WTIP: variants seen among roughly 807,000 people sequenced by gnomAD.
WTIP encodes WT1 interacting protein, also known as Wilms tumor protein 1-interacting protein.
In WTIP, 23 loss-of-function variants were observed where a neutral mutation model predicts 41.7. That is an observed-to-expected ratio of 0.55 (90% CI 0.40 to 0.78). The LOEUF is 0.78. Ranked by LOEUF, WTIP falls within the 30% of genes least tolerant of loss-of-function variation. The probability of loss-of-function intolerance (pLI) is 0.00; values close to 1 mark genes in which losing one functional copy is unlikely to be tolerated. For synonymous variants in WTIP, 314 were observed against 269.9 expected (o/e 1.16, Z -1.60); for missense variants, 619 against 610.5 (o/e 1.01, Z -0.15).
At chr19:34,489,766 G>T (rs183066882) in intron 1 of WTIP, among the ~76,000 whole-genome samples, 38 of 152,262 alleles carry the variant, frequency 2.5e-4, no homozygotes, top group Admixed American at 1.1e-3. Context: ...GCAATACCCT[G>T]TCTCTACAAA....
At position 34,490,469 on chromosome 19, in the gene WTIP, A is replaced by G; in HGVS notation, c.761A>G (p.Asp254Gly). ...TATCACACTGACTGCTTCACCTGCG[A>G]CTCGTGTGGTAGGTAACCTCGTGCC... ...SLYHTDCFTC[D>G]SCGRRLRGKA... Residue 254 changes from aspartate to glycine, a missense_variant, in exon 2 of 8, where the codon GAC becomes GGC. Physicochemically the swap from Asp to Gly is moderately conservative, Grantham distance 94 (BLOSUM62 -1). Transcript: ENST00000590071. 6.2e-7 allele frequency: 1 copy of G among 1,613,172 alleles called. No homozygotes were observed. The highest frequency in any genetic ancestry group is 8.5e-7 in the Non-Finnish European group (1 of 1,179,658).
At position 34,500,149 on chromosome 19, in the gene WTIP, C is replaced by T. The variant is rs2075876842; in HGVS notation, c.1173C>T (p.Ser391=). Residue 391 remains serine (S), a synonymous_variant, in exon 8 of 8, where the codon AGC becomes AGT. Transcript: ENST00000590071. ...CCTAGGACTGCGGGCTGCAGCTGAGCGGGGAGGAGGGACGCCGTTGCTATC... is the reference window on the plus strand; with the variant it reads ...CCTAGGACTGCGGGCTGCAGCTGAGTGGGGAGGAGGGACGCCGTTGCTATC... ...YHCEDCGLQL[S]GEEGRRCYPL... is the part of the protein sequence containing the mutation. 1 of 1,600,532 alleles carries T rather than the reference C, an allele frequency of 6.2e-7. No individual in the cohort carries two copies. Among genetic ancestry groups the T allele is most frequent in the East Asian group, 2.2e-5 (1 of 44,858 alleles).
chr19:34,491,215 G>GAAAA (rs2075823597), intron 2 of WTIP, among the ~76,000 whole-genome samples: 1 of 152,264 alleles, frequency 6.6e-6, no homozygotes, highest in South Asian at 2.1e-4. Flanking sequence ...AAAGAAAAAA[G>GAAAA]GAACTATAAT....
intron 2 of WTIP, among the ~76,000 whole-genome samples, chr19:34,491,127 C>T (rs1293989911): frequency 6.6e-6 from 1 of 151,524 alleles, no homozygotes; most frequent in Admixed American, 6.6e-5. Context: ...TGCGCCTGGC[C>T]TACAATTTAT....
chr19:34,484,935 TAA>T (rs34263232), intron 1 of WTIP, among the ~76,000 whole-genome samples: 37 of 115,460 alleles, frequency 3.2e-4, no homozygotes, highest in Admixed American at 8.2e-4. Context: ...GTCTTTTCTT[TAA>T]AAAAAAAAAA....
chr19:34,492,405 A>G (rs1170119078), intron 2 of WTIP, among the ~76,000 whole-genome samples: 1 of 68,010 alleles, frequency 1.5e-5, no homozygotes, highest in Non-Finnish European at 3.0e-5. Context: ...CAGGAGGATC[A>G]CTTGAGCTTG....
intron 1 of WTIP, among the ~76,000 whole-genome samples, chr19:34,483,591 C>T (rs2075782103): frequency 6.6e-6 from 1 of 152,140 alleles, no homozygotes; most frequent in Non-Finnish European, 1.5e-5. Flanking sequence ...TGCCCTCGCC[C>T]GGACTGTGCT....
chr19:34,486,123 G>C (rs75772650), intron 1 of WTIP, among the ~76,000 whole-genome samples: 1 of 24,334 alleles, frequency 4.1e-5, no homozygotes, highest in African/African-American at 5.6e-5. Flanking sequence ...GGGCCACACC[G>C]TTTTCCCTTC....
rs1568404873 is a variant in WTIP at position 34,503,996 on chromosome 19, C to CGTGTGTGTGTGCATGTGT, written c.*3737_*3754dup. ...CTGGAGGGCTGAGTCTGCCTGTGTG[C>CGTGTGTGTGTGCATGTGT]GTGTGTGTGTGCATGTGTGTGTGTG... On this transcript the variant is annotated 3_prime_UTR_variant, in exon 8 of 8. Transcript: ENST00000590071. The CGTGTGTGTGTGCATGTGT allele has an allele frequency of 6.6e-6, 1 of 151,744 alleles. No individual in the cohort carries two copies. Among genetic ancestry groups the CGTGTGTGTGTGCATGTGT allele is most frequent in the Admixed American group, 6.6e-5 (1 of 15,194 alleles). The allele number at this position is 151,744 out of a possible 1,614,324, so 9.4% of individuals were successfully genotyped here.
In WTIP at chr19:34,501,959, C is replaced by CTTT; in HGVS notation, c.*1701_*1703dup. ...GCTGAGCTGCTTTTTCTTTTCTTTT[C>CTTT]TTTTTTTTTTTTTGAGACGGAGTGT... is the stretch of plus-strand genomic sequence containing the variant. On this transcript the variant is annotated 3_prime_UTR_variant, in exon 8 of 8. Transcript: ENST00000590071. 1 of 115,438 alleles carries CTTT rather than the reference C, an allele frequency of 8.7e-6. No individual in the cohort carries two copies. The highest frequency in any genetic ancestry group is 1.9e-5 in the Non-Finnish European group (1 of 51,942). The allele number at this position is 115,438 out of a possible 1,614,324, so 7.2% of individuals were successfully genotyped here.
intron 5 of WTIP, 131 bp from the exon 6 acceptor site, chr19:34,494,455 G>T: frequency 1.2e-6 from 1 of 808,810 alleles, no homozygotes; most frequent in Non-Finnish European, 2.1e-6. Flanking sequence ...TGTCTGCCCC[G>T]AGGTGTGCAC....
At chr19:34,497,164 T>G in intron 7 of WTIP, among the ~76,000 whole-genome samples, 1 of 152,064 alleles carries the variant, frequency 6.6e-6, no homozygotes. Context: ...CACCAGGCCT[T>G]CTTTTCTGAA....
rs2075772090 is a variant in WTIP at position 34,482,364 on chromosome 19, C to T, written c.390C>T (p.Pro130=). ...GCTCCGGTCGCTCGGACCCGCGTCC[C>T]GGTCCCGGGCCGCCTTCGGTGGGCA... ...SPRSGRSDPR[P]GPGPPSVGSA... Residue 130 remains proline (P), a synonymous_variant, in exon 1 of 8, where the codon CCC becomes CCT. Transcript: ENST00000590071. The T allele has an allele frequency of 1.5e-6, 2 of 1,376,526 alleles. No individual in the cohort carries two copies. Among genetic ancestry groups the T allele is most frequent in the Non-Finnish European group, 1.9e-6 (2 of 1,061,338 alleles). The allele number at this position is 1,376,526 out of a possible 1,614,324, so 85.3% of individuals were successfully genotyped here.
intron 2 of WTIP, among the ~76,000 whole-genome samples, chr19:34,492,007 T>C (rs930296774): frequency 6.6e-6 from 1 of 152,076 alleles, no homozygotes; most frequent in African/African-American, 2.4e-5. Flanking sequence ...ACTGGTATTC[T>C]GATTTCTACC....
intron 7 of WTIP, among the ~76,000 whole-genome samples, chr19:34,497,787 G>C (rs1122110): frequency 0.058 from 8,841 of 152,250 alleles, 844 homozygotes; most frequent in African/African-American, 0.2. Context: ...GGGAGGACAA[G>C]GAGCAGGGAT....
At chr19:34,488,083 T>G (rs7252960) in intron 1 of WTIP, among the ~76,000 whole-genome samples, 53,734 of 151,914 alleles carry the variant, frequency 0.35, 11,815 homozygotes, top group African/African-American at 0.63. Context: ...TCCTTTTTTT[T>G]TTTTTTCTTT....
intron 6 of WTIP, 108 bp downstream of exon 6, chr19:34,494,745 G>C: frequency 5.2e-6 from 6 of 1,143,630 alleles, no homozygotes; most frequent in Non-Finnish European, 6.2e-6. Flanking sequence ...GGGATGAGCA[G>C]GTGCTTCTCC....
chr19:34,496,921 G>A (rs1170431794), intron 7 of WTIP, among the ~76,000 whole-genome samples: 1 of 152,032 alleles, frequency 6.6e-6, no homozygotes, highest in Non-Finnish European at 1.5e-5. Flanking sequence ...GCAGTGCAGT[G>A]GCACTATCTC....
chr19:34,492,882 T>C (rs2075832762), intron 2 of WTIP, among the ~76,000 whole-genome samples, 155 bp from the exon 3 acceptor site: 1 of 152,114 alleles, frequency 6.6e-6, no homozygotes, highest in African/African-American at 2.4e-5. Flanking sequence ...AATTTTGTTA[T>C]TATAACAATA....
Sources: allele counts gnomAD v4.1 joint callset (sites outside exome capture counted in the v4.1 genomes callset), GRCh38; gene constraint gnomAD v4.1.1; transcripts MANE v1.5; gene names NCBI Gene and HGNC (gene_info 2026-07-23, HGNC 2026-07-21).